The following GSN variants were observed in gnomAD, a reference collection of about 807,000 sequenced individuals.
The protein encoded by GSN is gelsolin.
A neutral mutation model predicts 85.7 loss-of-function variants in GSN; 56 were observed. The ratio of observed to expected loss-of-function variants is 0.65; its 90% CI spans 0.53 to 0.82. The LOEUF is 0.82. Among genes scored for constraint, GSN ranks in the 40% least tolerant of loss-of-function variants. GSN has a pLI of 0.00. For synonymous variants in GSN, 373 were observed against 399.1 expected, an observed-to-expected ratio of 0.93 and a Z score of 0.78; for missense variants, 857 against 979.8, an observed-to-expected ratio of 0.87 and a Z score of 1.67.
At chr9:121,220,146 G>A (rs1206472194) in intron 4 of GSN, among the ~76,000 whole-genome samples, 1 of 152,168 alleles carries the variant, frequency 6.6e-6, no homozygotes, top group Non-Finnish European at 1.5e-5. Context: ...GCCTCCCAAA[G>A]TGCTGGGATT....
At chr9:121,201,931 G>A in the GSN span, 2 of 153,420 alleles carry the variant, frequency 1.3e-5, no homozygotes, top group Non-Finnish European at 2.9e-5. Context: ...ACAAAAGAAG[G>A]GGGAGAAGAT....
At chr9:121,309,501 G>A (rs1231674300) in intron 4 of GSN, 1 of 152,230 alleles carries the variant, frequency 6.6e-6, no homozygotes, top group Non-Finnish European at 1.5e-5. Flanking sequence ...TGCTCTGAAG[G>A]GACTGCTGGG....
intron 5 of GSN, chr9:121,240,162 T>C (rs1194152321): frequency 2.0e-5 from 3 of 152,288 alleles, no homozygotes; most frequent in African/African-American, 4.8e-5. Flanking sequence ...ATTCCCCTTT[T>C]TAAGTGACAT....
At chr9:121,316,483 A>AT (rs1328793645) in intron 7 of GSN, among the ~76,000 whole-genome samples, 1 of 151,418 alleles carries the variant, frequency 6.6e-6, no homozygotes, top group East Asian at 1.9e-4. Flanking sequence ...TTACTTATTT[A>AT]TTTTTGAGAC....
chr9:121,219,361 G>T (rs1218284153), intron 4 of GSN, among the ~76,000 whole-genome samples: 6 of 151,780 alleles, frequency 4.0e-5, no homozygotes, highest in African/African-American at 1.5e-4. Flanking sequence ...GCTTCCCAAG[G>T]TGTGGGATTA....
At chr9:121,222,225 A>AT (rs998763603) in intron 4 of GSN, 3 of 152,202 alleles carry the variant, frequency 2.0e-5, no homozygotes, top group African/African-American at 7.2e-5. Context: ...CTTTGTAAAC[A>AT]TTTTTGTGTT....
intron 1 of GSN, among the ~76,000 whole-genome samples, chr9:121,208,514 G>A (rs571866789): frequency 6.6e-6 from 1 of 152,340 alleles, no homozygotes; most frequent in African/African-American, 2.4e-5. Context: ...GCAGCAAGAT[G>A]TAAGTTCCTC....
At chr9:121,322,621 A>G (rs948150581) in intron 11 of GSN, among the ~76,000 whole-genome samples, 19 of 152,106 alleles carry the variant, frequency 1.2e-4, no homozygotes, top group Admixed American at 8.5e-4. Flanking sequence ...ATAGCCCCCA[A>G]TTTCCCTCGA....
intron 1 of GSN, among the ~76,000 whole-genome samples, chr9:121,279,377 T>C (rs1214490230): frequency 6.6e-6 from 1 of 151,942 alleles, no homozygotes; most frequent in Non-Finnish European, 1.5e-5. Context: ...GGAGGATGCA[T>C]TGTAGGAGGG....
intron 4 of GSN, 136 bp from the exon 5 acceptor site, chr9:121,310,548 C>T: frequency 1.3e-6 from 1 of 775,762 alleles, no homozygotes; most frequent in Middle Eastern, 2.3e-4. Flanking sequence ...CCTGAGTTAA[C>T]TGAGAATCAC....
rs900996924 is a variant in GSN, at chr9:121,324,029, G to T, written c.1326-525G>T. 1.5e-4 allele frequency among the ~76,000 whole-genome samples: 23 copies of T among 152,196 alleles called. 1 individual carries two copies. The highest frequency in any genetic ancestry group is 4.3e-4 in the African/African-American group (18 of 41,450). Reference sequence around the variant, plus strand: ...GGAAAACTTAGACAATATGCAAAGAGGTGGGATAGAAAGGCAAAATCCCCC... The same window carrying T: ...GGAAAACTTAGACAATATGCAAAGATGTGGGATAGAAAGGCAAAATCCCCC... On this transcript the variant is annotated intron_variant, in intron 11 of 17. Transcript: ENST00000432226.
chr9:121,241,919 G>A (rs891598585), intron 5 of GSN, among the ~76,000 whole-genome samples: 2 of 152,204 alleles, frequency 1.3e-5, no homozygotes, highest in African/African-American at 4.8e-5. Flanking sequence ...GTCATCTGTA[G>A]AGTGAAAGGT....
At chr9:121,320,410 C>T (rs1318717262) in intron 10 of GSN, among the ~76,000 whole-genome samples, 3 of 152,080 alleles carry the variant, frequency 2.0e-5, no homozygotes, top group Admixed American at 1.3e-4. Flanking sequence ...TTTGGGTGGC[C>T]GAGGCGGGTG....
rs964580572 is a variant in GSN at position 121,299,468 on chromosome 9, C to T, written c.-9-2495C>T. The T allele has an allele frequency of 1.0e-6, 1 of 985,172 alleles. No homozygotes were observed. Among genetic ancestry groups the T allele is most frequent in the Non-Finnish European group, 1.2e-6 (1 of 829,684 alleles). The allele number at this position is 985,172 out of a possible 1,614,324, so 61.0% of individuals were successfully genotyped here. On this transcript the variant is annotated intron_variant, in intron 2 of 17. Coordinates refer to ENST00000432226, the MANE Select transcript of GSN (RefSeq NM_198252.3). The surrounding 1 kb of genome is among the most constrained non-coding windows in gnomAD (Gnocchi z 4.2). The stretch of plus-strand genomic sequence containing the variant: ...CTCTGAAAAGGATGTGCTGATGCCT[C>T]GGTGAAAAGCTTTCAAAAATTGTTA...
At chr9:121,229,037 G>C (rs1305666883) in intron 4 of GSN, among the ~76,000 whole-genome samples, 2 of 152,090 alleles carry the variant, frequency 1.3e-5, no homozygotes, top group Non-Finnish European at 1.5e-5. Flanking sequence ...AGACACAAAA[G>C]TAGTGTCTAA....
chr9:121,232,746 G>A (rs1359056979), intron 5 of GSN, among the ~76,000 whole-genome samples: 2 of 152,184 alleles, frequency 1.3e-5, no homozygotes, highest in Non-Finnish European at 2.9e-5. Context: ...CTCTGCCAAA[G>A]GAAAGGCAAC....
At chr9:121,298,046 C>A (rs139027197) in intron 2 of GSN, among the ~76,000 whole-genome samples, 14 of 152,292 alleles carry the variant, frequency 9.2e-5, no homozygotes, top group African/African-American at 3.4e-4. Context: ...CCACTGCAGG[C>A]TGGGCAGGCC....
intron 4 of GSN, among the ~76,000 whole-genome samples, chr9:121,230,474 C>T (rs899729860): frequency 6.6e-6 from 1 of 152,174 alleles, no homozygotes; most frequent in Non-Finnish European, 1.5e-5. Flanking sequence ...TGAACTTACA[C>T]AATTAGTAAC....
chr9:121,302,061 G>T lies in GSN; in HGVS notation c.90G>T (p.Val30=), dbSNP rs201642174. The T allele has an allele frequency of 2.8e-5, 45 of 1,614,246 alleles. No homozygotes were observed. Among genetic ancestry groups the T allele is most frequent in the Admixed American group, 1.3e-4 (8 of 60,032 alleles). ...WRVEKFDLVP[V]PTNLYGDFFT... Reference sequence around the variant, plus strand: ...TGGAGAAGTTCGATCTGGTGCCCGTGCCCACCAACCTTTATGGAGACTTCT... The same window carrying T: ...TGGAGAAGTTCGATCTGGTGCCCGTTCCCACCAACCTTTATGGAGACTTCT... The change falls in exon 3 of 18, where the codon GTG becomes GTT. Residue 30 remains valine (V), a synonymous_variant. Coordinates refer to ENST00000432226, the MANE Select transcript of GSN (RefSeq NM_198252.3).
Sources: gnomAD v4.1 joint callset for allele counts (sites outside exome capture counted in the v4.1 genomes callset) on GRCh38, gnomAD v4.1.1 for gene constraint, Gnocchi (gnomAD v3.1) non-coding constraint, MANE v1.5 for transcripts, NCBI Gene and HGNC (gene_info 2026-07-23, HGNC 2026-07-21) for gene names.